Variants in EXOC3L2 observed in about 807,000 individuals in gnomAD.
The protein encoded by EXOC3L2 is exocyst complex component 3-like protein 2.
A neutral mutation model predicts 44.4 loss-of-function variants in EXOC3L2; 17 were observed. That is an observed-to-expected ratio of 0.38 (90% confidence interval 0.26 to 0.57). The LOEUF (loss-of-function observed/expected upper bound fraction) is 0.57, where lower values mean the gene tolerates loss of function less well. Ranked by LOEUF, EXOC3L2 falls within the 20% of genes least tolerant of loss-of-function variation. The pLI, the probability that EXOC3L2 is intolerant of heterozygous loss-of-function variation, is 0.65. For missense variants in EXOC3L2, 541 were observed against 588.4 expected (o/e 0.92, Z 0.83); for synonymous variants, 256 against 253.7 (o/e 1.01, Z -0.09).
chr19:45,219,393 CAAA>C lies in EXOC3L2; in HGVS notation c.1720-1077_1720-1075del, dbSNP rs950797638. On this transcript the variant is annotated intron_variant, in intron 8 of 11. Coordinates refer to ENST00000413988, the MANE Select transcript of EXOC3L2 (RefSeq NM_001382422.1). ...TGGGTAACAGAGGGAGGCCCCGTCT[CAAA>C]AAAAAAAAAAAAAAAAAAGAGAAAA... Among the ~76,000 whole-genome samples, 378 of 51,538 alleles carry C rather than the reference CAAA, an allele frequency of 7.3e-3. 3 individuals carry two copies. The highest frequency in any genetic ancestry group is 0.031 in the Middle Eastern group (3 of 96). 33.8% of individuals were successfully genotyped at this position (51,538 alleles called of 152,430 possible).
Position 45,234,833 on chromosome 19 carries a change from G to A in EXOC3L2, c.524-7C>T, listed in dbSNP as rs568432610. 3.6e-5 allele frequency: 14 copies of A among 392,946 alleles called. No homozygotes were observed. The highest frequency in any genetic ancestry group is 1.2e-4 in the African/African-American group (6 of 48,354). The allele number at this position is 392,946 out of a possible 1,614,324, so 24.3% of individuals were successfully genotyped here. ...AGGCTCAGGATCTCCAGCACTGCGG[G>A]AGCAAAGCGGGAGGTCAGCAGTGCG... On this transcript the variant is annotated splice_region_variant and splice_polypyrimidine_tract_variant and intron_variant, in intron 2 of 11. Transcript: ENST00000413988. This position sits in a 1 kb window ranked among gnomAD's most constrained non-coding sequence, Gnocchi z 5.0.
chr19:45,230,080 A>T (rs945262151), intron 4 of EXOC3L2, among the ~76,000 whole-genome samples: 6 of 151,986 alleles, frequency 3.9e-5, no homozygotes, highest in African/African-American at 1.5e-4. Context: ...GCTGGTGTGC[A>T]GTGGTACCAT....
At chr19:45,227,626 T>C (rs770011916) in intron 7 of EXOC3L2, 36 bp downstream of exon 7, 10 of 1,566,286 alleles carry the variant, frequency 6.4e-6, no homozygotes, top group African/African-American at 5.4e-5. Context: ...CCACCTTGGA[T>C]TGGTCCTCCC....
Position 45,227,664 on chromosome 19 carries a change from C to T in EXOC3L2, c.1581G>A (p.Leu527=), listed in dbSNP as rs545449338. ...TIALVNCGPP[L]RALAERLARV... ...CATCACACCATGGATGCCCTCACCTCAGTGGGGGGCCGCAGTTGACCAGGG... is the reference window on the plus strand; with the variant it reads ...CATCACACCATGGATGCCCTCACCTTAGTGGGGGGCCGCAGTTGACCAGGG... The change falls in exon 7 of 12, where the codon CTG becomes CTA. Residue 527 remains leucine, a splice_region_variant and synonymous_variant. Coordinates refer to ENST00000413988, the MANE Select transcript of EXOC3L2 (RefSeq NM_001382422.1). The T allele has an allele frequency of 1.8e-4, 289 of 1,609,520 alleles. 5 individuals carry two copies. The South Asian group carries it at 3.0e-3, about 17-fold the overall frequency.
At chr19:45,237,229 G>T (rs963550648) in intron 2 of EXOC3L2, among the ~76,000 whole-genome samples, 2 of 152,164 alleles carry the variant, frequency 1.3e-5, no homozygotes, top group Non-Finnish European at 2.9e-5. Context: ...GCCAGGCGCA[G>T]TGGCTCATGC....
chr19:45,216,289 G>T (rs1969834283), intron 10 of EXOC3L2, 95 bp from the exon 11 acceptor site: 4 of 1,482,864 alleles, frequency 2.7e-6, no homozygotes, highest in Non-Finnish European at 3.6e-6. Flanking sequence ...CTAAAATGTA[G>T]CAGAAACCAG....
At chr19:45,230,671 T>G (rs1970021842) in intron 4 of EXOC3L2, among the ~76,000 whole-genome samples, 1 of 152,100 alleles carries the variant, frequency 6.6e-6, no homozygotes, top group Non-Finnish European at 1.5e-5. Flanking sequence ...TTTATTGTCT[T>G]TTGGTCCCAA....
At chr19:45,232,147 T>A (rs1213746365) in intron 3 of EXOC3L2, among the ~76,000 whole-genome samples, 1 of 152,136 alleles carries the variant, frequency 6.6e-6, no homozygotes, top group Non-Finnish European at 1.5e-5. Flanking sequence ...GCTTCACCCA[T>A]GATCCATTTC....
chr19:45,223,969 G>A (rs1255109259), intron 8 of EXOC3L2, among the ~76,000 whole-genome samples: 2 of 152,058 alleles, frequency 1.3e-5, no homozygotes, highest in Non-Finnish European at 2.9e-5. Context: ...ACTCCAGCCT[G>A]GGCGACACAG....
At position 45,217,491 on chromosome 19, in the gene EXOC3L2, G is replaced by T. The variant is rs1177440949; in HGVS notation, c.1998+37C>A. 12 of 1,541,390 alleles carry T rather than the reference G, an allele frequency of 7.8e-6. 1 individual carries two copies. In the South Asian group the frequency reaches 1.3e-4, roughly 17 times the overall value. ...TTCTCGGAAGCCAAGCCTTGTCCTG[G>T]TTTCTGAAACACCCCCAACCGCGTC... On this transcript the variant is annotated intron_variant, in intron 10 of 11. Coordinates refer to ENST00000413988, the MANE Select transcript of EXOC3L2 (RefSeq NM_001382422.1).
rs753365555 is a variant in EXOC3L2, at chr19:45,228,154, C to T, written c.1371+11G>A. ...ATCCAGCCCATCCCCCAGCCTCCCTCCACCTCCTACCTCACACACATCCTG... is the reference window on the plus strand; with the variant it reads ...ATCCAGCCCATCCCCCAGCCTCCCTTCACCTCCTACCTCACACACATCCTG... On this transcript the variant is annotated intron_variant, in intron 5 of 11. Coordinates refer to ENST00000413988, the MANE Select transcript of EXOC3L2 (RefSeq NM_001382422.1). The T allele has an allele frequency of 1.2e-6, 2 of 1,614,042 alleles. No homozygotes were observed. The highest frequency in any genetic ancestry group is 3.3e-5 in the Admixed American group (2 of 60,008).
intron 1 of EXOC3L2, among the ~76,000 whole-genome samples, chr19:45,242,151 T>C (rs1040790607): frequency 6.6e-6 from 1 of 152,194 alleles, no homozygotes; most frequent in East Asian, 1.9e-4. Flanking sequence ...TTTAAAACAA[T>C]GAAATAGTTC....
chr19:45,214,745 G>A (rs960834937), intron 11 of EXOC3L2, among the ~76,000 whole-genome samples: 14 of 151,918 alleles, frequency 9.2e-5, no homozygotes, highest in African/African-American at 2.9e-4. Flanking sequence ...GATTACAAGC[G>A]TGAGCCACCA....
chr19:45,216,742 T>C (rs571108645), intron 10 of EXOC3L2: 1 of 152,626 alleles, frequency 6.6e-6, no homozygotes, highest in South Asian at 2.1e-4. Flanking sequence ...AAATCTTGCC[T>C]TTGCGGGGAT....
In EXOC3L2 at chr19:45,212,598, CTTTTTTTTTTTTTT is replaced by C. The variant is rs530736333; in HGVS notation, c.*457_*470del. 1 of 111,352 alleles carries C rather than the reference CTTTTTTTTTTTTTT, an allele frequency of 9.0e-6. No individual in the cohort carries two copies. Among genetic ancestry groups the C allele is most frequent in the African/African-American group, 4.0e-5 (1 of 25,160 alleles). 6.9% of individuals were successfully genotyped at this position (111,352 alleles called of 1,614,324 possible). ...CTCTTTGGCCTCTGTTTCCCCCTAC[CTTTTTTTTTTTTTT>C]TTTTTTTTGAGAAAGGGTCTTGCTT... On this transcript the variant is annotated 3_prime_UTR_variant, in exon 12 of 12. Coordinates refer to ENST00000413988, the MANE Select transcript of EXOC3L2 (RefSeq NM_001382422.1).
intron 8 of EXOC3L2, among the ~76,000 whole-genome samples, chr19:45,219,393 C>CAAAAAAAAAAAAAAAAAAAAAAAAA (rs950797638): frequency 5.8e-5 from 3 of 51,544 alleles, no homozygotes; most frequent in African/African-American, 1.4e-4. Flanking sequence ...GGCCCCGTCT[C>CAAAAAAAAAAAAAAAAAAAAAAAAA]AAAAAAAAAA....
At chr19:45,230,126 TCCTCCCG>T (rs1361929397) in intron 4 of EXOC3L2, among the ~76,000 whole-genome samples, 2 of 151,542 alleles carry the variant, frequency 1.3e-5, no homozygotes, top group African/African-American at 4.9e-5. Flanking sequence ...CTGGACTCAA[TCCTCCCG>T]CCTCAGATTC....
Position 45,220,309 on chromosome 19 carries a change from TTTG to T in EXOC3L2, c.1720-1993_1720-1991del, listed in dbSNP as rs541091558. ...TAAGACTCCCTCTCTATAATTTTTT[TTTG>T]TTTGTTTAATTAGCTGGGCATGGTG... On this transcript the variant is annotated intron_variant, in intron 8 of 11. Coordinates refer to ENST00000413988, the MANE Select transcript of EXOC3L2 (RefSeq NM_001382422.1). Among the ~76,000 whole-genome samples the T allele has an allele frequency of 2.4e-3, 369 of 151,870 alleles. 2 individuals carry two copies. Among genetic ancestry groups the T allele is most frequent in the East Asian group, 9.7e-3 (50 of 5,164 alleles).
chr19:45,230,073 G>A (rs913720553), intron 4 of EXOC3L2, among the ~76,000 whole-genome samples: 1 of 151,860 alleles, frequency 6.6e-6, no homozygotes, highest in Non-Finnish European at 1.5e-5. Flanking sequence ...CCCCCAGGCT[G>A]GTGTGCAGTG....
Sources: gnomAD v4.1 joint callset for allele counts (sites outside exome capture counted in the v4.1 genomes callset) on GRCh38, gnomAD v4.1.1 for gene constraint, Gnocchi (gnomAD v3.1) non-coding constraint, MANE v1.5 for transcripts, NCBI Gene and HGNC (gene_info 2026-07-23, HGNC 2026-07-21) for gene names.